Variants in ARHGAP26 observed in about 807,000 individuals in gnomAD.
The protein encoded by ARHGAP26 is Rho GTPase activating protein 26, also known as rho GTPase-activating protein 26.
ARHGAP26 carries 38 observed loss-of-function variants against 104.8 expected under a neutral mutation model. The ratio of observed to expected loss-of-function variants is 0.36; its 90% CI spans 0.28 to 0.48. The LOEUF (loss-of-function observed/expected upper bound fraction) is 0.48, where lower values mean the gene tolerates loss of function less well. ARHGAP26 is among the 20% of genes least tolerant of loss of function. The pLI is 0.99. For synonymous variants in ARHGAP26, 341 were observed against 340.0 expected, an observed-to-expected ratio of 1.00 and a Z score of -0.03; for missense variants, 704 against 947.9, an observed-to-expected ratio of 0.74 and a Z score of 3.38.
intron 17 of ARHGAP26, among the ~76,000 whole-genome samples, chr5:143,060,907 C>T (rs572586845): frequency 9.2e-5 from 14 of 151,966 alleles, no homozygotes; most frequent in African/African-American, 3.1e-4. Flanking sequence ...GGGATGTAGG[C>T]GAATATTAGA....
chr5:143,176,692 A>G (rs145236293), intron 20 of ARHGAP26, among the ~76,000 whole-genome samples: 1 of 152,184 alleles, frequency 6.6e-6, no homozygotes, highest in East Asian at 1.9e-4. Flanking sequence ...CTGCGGAAGG[A>G]ATTACTTTAG....
chr5:143,038,881 A>C (rs1263853387), intron 13 of ARHGAP26, among the ~76,000 whole-genome samples: 1 of 152,012 alleles, frequency 6.6e-6, no homozygotes, highest in East Asian at 1.9e-4. Flanking sequence ...TTTTTAATAG[A>C]GATGGGGTTT....
intron 11 of ARHGAP26, among the ~76,000 whole-genome samples, chr5:142,968,588 C>G (rs1215714204): frequency 1.3e-5 from 2 of 152,192 alleles, no homozygotes; most frequent in African/African-American, 2.4e-5. Flanking sequence ...TCAGTCCTCT[C>G]TGGTTGTGTA....
chr5:142,969,424 C>A (rs558503778), intron 11 of ARHGAP26: 1 of 152,102 alleles, frequency 6.6e-6, no homozygotes, highest in Admixed American at 6.5e-5. Context: ...TGCTGGCTGC[C>A]GTTGATCAGT....
chr5:143,181,172 C>G (rs1481321930), intron 20 of ARHGAP26, among the ~76,000 whole-genome samples: 3 of 152,180 alleles, frequency 2.0e-5, no homozygotes, highest in Non-Finnish European at 4.4e-5. Context: ...TGGGATTGTT[C>G]TACCATGCAA....
intron 11 of ARHGAP26, among the ~76,000 whole-genome samples, chr5:143,002,547 G>GA (rs1267839761): frequency 6.6e-6 from 1 of 152,122 alleles, no homozygotes; most frequent in East Asian, 1.9e-4. Flanking sequence ...GCATCAGCCT[G>GA]AAGCCAGGAA....
chr5:143,094,169 C>G (rs1442238122), intron 17 of ARHGAP26, among the ~76,000 whole-genome samples: 1 of 152,240 alleles, frequency 6.6e-6, no homozygotes, highest in African/African-American at 2.4e-5. Context: ...CCTGCGGTTT[C>G]TTTCTCCTTA....
intron 1 of ARHGAP26, among the ~76,000 whole-genome samples, chr5:142,788,435 A>G (rs931652154): frequency 6.6e-6 from 1 of 152,178 alleles, no homozygotes; most frequent in Non-Finnish European, 1.5e-5. Context: ...ACAGAATAAC[A>G]AATTTCATAT....
intron 4 of ARHGAP26, 74 bp from the exon 5 acceptor site, chr5:142,885,224 C>T: frequency 8.0e-7 from 1 of 1,254,540 alleles, no homozygotes; most frequent in African/African-American, 1.5e-5. Flanking sequence ...GCAGAAGGAT[C>T]TTGAGAGATG....
At chr5:142,990,935 G>T (rs1312026455) in intron 11 of ARHGAP26, among the ~76,000 whole-genome samples, 1 of 152,200 alleles carries the variant, frequency 6.6e-6, no homozygotes, top group Non-Finnish European at 1.5e-5. Flanking sequence ...GAGGCAGTCT[G>T]TCCATTCTCA....
chr5:143,140,608 T>C (rs1192149746), intron 19 of ARHGAP26, among the ~76,000 whole-genome samples: 4 of 152,124 alleles, frequency 2.6e-5, no homozygotes, highest in Non-Finnish European at 5.9e-5. Flanking sequence ...TATCCTTCCC[T>C]TTGGAGCCTG....
intron 19 of ARHGAP26, among the ~76,000 whole-genome samples, chr5:143,139,854 C>G (rs17100039): frequency 0.11 from 16,008 of 152,162 alleles, 969 homozygotes; most frequent in South Asian, 0.21. Flanking sequence ...CTGACACACA[C>G]GCTGTGCTTT....
intron 20 of ARHGAP26, among the ~76,000 whole-genome samples, chr5:143,196,837 A>G (rs994982931): frequency 1.3e-5 from 2 of 152,190 alleles, no homozygotes; most frequent in Non-Finnish European, 2.9e-5. Flanking sequence ...GGGCGACTCA[A>G]GGTTTTTGCT....
At chr5:142,903,724 G>T in intron 8 of ARHGAP26, 55 bp downstream of exon 8, 1 of 1,580,674 alleles carries the variant, frequency 6.3e-7, no homozygotes, top group Non-Finnish European at 8.6e-7. Flanking sequence ...TTACCTAGAA[G>T]GTGGAGGATG....
intron 1 of ARHGAP26, among the ~76,000 whole-genome samples, chr5:142,811,523 A>G (rs1333307342): frequency 6.6e-6 from 1 of 152,214 alleles, no homozygotes; most frequent in African/African-American, 2.4e-5. Flanking sequence ...GTATTCAACA[A>G]AAAAACACTG....
At chr5:142,854,071 T>G (rs988826544) in intron 1 of ARHGAP26, among the ~76,000 whole-genome samples, 2 of 152,114 alleles carry the variant, frequency 1.3e-5, no homozygotes, top group South Asian at 4.1e-4. Flanking sequence ...AGCAAAATAT[T>G]GGGGAAATTA....
rs71576157 is a variant in ARHGAP26, at chr5:142,821,300, GTTTTTTTT to G, written c.154+50405_154+50412del. ...TTGGCAGGCTTCCTAAGGTAGAGTG[GTTTTTTTT>G]TTTTTTTTTTTTTTTTTTTAAACTT... On this transcript the variant is annotated intron_variant, in intron 1 of 22. Coordinates refer to ENST00000645722, the MANE Select transcript of ARHGAP26 (RefSeq NM_001135608.3). 6.5e-3 allele frequency among the ~76,000 whole-genome samples: 691 copies of G among 106,362 alleles called. 13 individuals are homozygous for G. The highest frequency in any genetic ancestry group is 0.025 in the African/African-American group (652 of 26,074). The allele number at this position is 106,362 out of a possible 152,430, so 69.8% of individuals were successfully genotyped here.
At chr5:142,942,244 A>AT (rs1307337063) in intron 11 of ARHGAP26, among the ~76,000 whole-genome samples, 6 of 152,184 alleles carry the variant, frequency 3.9e-5, no homozygotes, top group East Asian at 1.9e-4. Context: ...CAGAGATTAC[A>AT]TTTTTTGTGC....
chr5:142,838,633 G>A (rs1770097603), intron 1 of ARHGAP26, among the ~76,000 whole-genome samples: 3 of 152,160 alleles, frequency 2.0e-5, no homozygotes, highest in South Asian at 2.1e-4. Flanking sequence ...AAATGAATTC[G>A]TAAGCATCTT....
Sources: gnomAD v4.1 joint callset for allele counts (sites outside exome capture counted in the v4.1 genomes callset) on GRCh38, gnomAD v4.1.1 for gene constraint, MANE v1.5 for transcripts, NCBI Gene and HGNC (gene_info 2026-07-23, HGNC 2026-07-21) for gene names.